CELF2: variants seen among roughly 807,000 people sequenced by gnomAD.
The protein encoded by CELF2 is CUGBP Elav-like family member 2.
Under a neutral mutation model 62.6 loss-of-function variants are expected in CELF2, and 8 were observed. That is an observed-to-expected ratio of 0.13 (90% confidence interval 0.07 to 0.23). The LOEUF (loss-of-function observed/expected upper bound fraction) is 0.23. Ranked by LOEUF, CELF2 falls within the 10% of genes least tolerant of loss-of-function variation. The probability of loss-of-function intolerance (pLI) is 1.00; values close to 1 mark genes in which losing one functional copy is unlikely to be tolerated. For synonymous variants in CELF2, 258 were observed against 250.0 expected, an observed-to-expected ratio of 1.03 and a Z score of -0.30; for missense variants, 333 against 671.0, an observed-to-expected ratio of 0.50 and a Z score of 5.56.
chr10:11,006,796 T>C lies in CELF2; in HGVS notation c.53+1356T>C, dbSNP rs181489413. ...AGGTCTCTGTGGAATATATTGATTT[T>C]TGATTTATGCTTATGTCCTTATAAA... On this transcript the variant is annotated intron_variant, in intron 1 of 12. Transcript: ENST00000416382. Among the ~76,000 whole-genome samples, 39 of 152,364 alleles carry C rather than the reference T, an allele frequency of 2.6e-4. No individual in the cohort carries two copies. In the East Asian group the frequency reaches 7.1e-3, roughly 28 times the overall value.
Position 10,887,359 on chromosome 10 carries a change from C to T in CELF2, c.54-32605C>T, listed in dbSNP as rs149059654. The stretch of plus-strand genomic sequence containing the variant: ...ATTGACTTCACTGGGCTCCAGCCTA[C>T]GAAGAAAAATGTGGCTGCTGATAAA... On this transcript the variant is annotated intron_variant, in intron 1 of 13. Coordinates refer to the CELF2 transcript ENST00000636488. Among the ~76,000 whole-genome samples the T allele has an allele frequency of 9.6e-4, 146 of 152,226 alleles. 2 individuals carry two copies. In the East Asian group the frequency reaches 0.026, roughly 27 times the overall value.
At chr10:11,175,167 T>C (rs2133813443) in intron 2 of CELF2, among the ~76,000 whole-genome samples, 1 of 152,216 alleles carries the variant, frequency 6.6e-6, no homozygotes, top group South Asian at 2.1e-4. Flanking sequence ...AGCTCCTAAC[T>C]AGGCCACTGT....
chr10:10,894,695 A>G (rs537158279), intron 1 of CELF2, among the ~76,000 whole-genome samples: 2 of 152,140 alleles, frequency 1.3e-5, no homozygotes, highest in South Asian at 4.1e-4. Flanking sequence ...AAAAAAATGA[A>G]TTGAGCATAG....
At chr10:10,863,493 TCTCTAAACC>T (rs1330836204) in intron 1 of CELF2, among the ~76,000 whole-genome samples, 1 of 152,192 alleles carries the variant, frequency 6.6e-6, no homozygotes, top group Non-Finnish European at 1.5e-5. Context: ...TTAGCAGATC[TCTCTAAACC>T]TTGGTTGTCT....
chr10:10,836,140 T>TA (rs1013250614), intron 1 of CELF2, among the ~76,000 whole-genome samples: 1 of 151,642 alleles, frequency 6.6e-6, no homozygotes, highest in South Asian at 2.1e-4. Context: ...AACTGTGGAA[T>TA]AAAAAATCAA....
intron 2 of CELF2, among the ~76,000 whole-genome samples, chr10:10,950,133 G>A (rs1226851282): frequency 1.3e-5 from 2 of 152,126 alleles, no homozygotes; most frequent in Non-Finnish European, 2.9e-5. Context: ...AGCTTCCCTG[G>A]GTTTCCCTAC....
chr10:10,835,894 C>T (rs986664918), intron 1 of CELF2, among the ~76,000 whole-genome samples: 11 of 152,066 alleles, frequency 7.2e-5, no homozygotes, highest in African/African-American at 2.4e-4. Flanking sequence ...AGGGCAGAAT[C>T]GAGGCTGACT....
intron 2 of CELF2, among the ~76,000 whole-genome samples, chr10:10,994,934 T>C (rs1455431897): frequency 1.3e-5 from 2 of 152,160 alleles, no homozygotes. Flanking sequence ...TTTCCCTCCA[T>C]GTCCTACCCC....
At chr10:11,174,513 G>A (rs1257161404) in intron 2 of CELF2, among the ~76,000 whole-genome samples, 1 of 152,132 alleles carries the variant, frequency 6.6e-6, no homozygotes, top group Admixed American at 6.5e-5. Flanking sequence ...GATACACTCT[G>A]GACAGTGATC....
At chr10:11,303,228 A>G (rs184807573) in intron 9 of CELF2, among the ~76,000 whole-genome samples, 11 of 152,284 alleles carry the variant, frequency 7.2e-5, no homozygotes, top group Non-Finnish European at 8.8e-5. Context: ...TTCTTGCCTT[A>G]GTCCCTTGCC....
chr10:10,785,660 G>A, the CELF2 span, among the ~76,000 whole-genome samples: 1 of 152,128 alleles, frequency 6.6e-6, no homozygotes, highest in Admixed American at 6.6e-5. Context: ...CTTATATGTG[G>A]AATCCACAAA....
In CELF2 at chr10:11,207,413, C is replaced by G. The variant is rs1274951944; in HGVS notation, c.272-10012C>G. ...GTGGCCAGTTGACAGAAAGTTGGTC[C>G]TAGCGTGTCAAATGGAGAGTTGGAG... On this transcript the variant is annotated intron_variant, in intron 2 of 12. Coordinates refer to ENST00000633077, the MANE Select transcript of CELF2 (RefSeq NM_001326342.2). The surrounding 1 kb of genome is among the most constrained non-coding windows in gnomAD (Gnocchi z 4.1). Among the ~76,000 whole-genome samples the G allele has an allele frequency of 2.0e-5, 3 of 152,138 alleles. No individual in the cohort carries two copies. Among genetic ancestry groups the G allele is most frequent in the Non-Finnish European group, 2.9e-5 (2 of 68,016 alleles).
chr10:10,634,800 TACA>T, the CELF2 span, among the ~76,000 whole-genome samples: 1 of 152,100 alleles, frequency 6.6e-6, no homozygotes, highest in Non-Finnish European at 1.5e-5. Flanking sequence ...TAGCTGGGAC[TACA>T]GGCATGTGCC....
chr10:10,633,675 G>C, the CELF2 span, among the ~76,000 whole-genome samples: 1 of 149,252 alleles, frequency 6.7e-6, no homozygotes, highest in African/African-American at 2.5e-5. Context: ...ACCTTAGAAA[G>C]ACCTTTTGTA....
chr10:11,052,503 G>A (rs2064149108), intron 1 of CELF2, among the ~76,000 whole-genome samples: 1 of 152,088 alleles, frequency 6.6e-6, no homozygotes, highest in South Asian at 2.1e-4. Flanking sequence ...ACGGTCCTTG[G>A]GTGATGTCCT....
At chr10:11,004,015 G>A (rs1433041174), upstream of CELF2, among the ~76,000 whole-genome samples, 2 of 152,110 alleles carry the variant, frequency 1.3e-5, no homozygotes, top group Non-Finnish European at 2.9e-5. This position sits in a 1 kb window ranked among gnomAD's most constrained non-coding sequence, Gnocchi z 5.0. Context: ...TCTGTGCAGT[G>A]GAGATTTAAA....
the CELF2 span, among the ~76,000 whole-genome samples, chr10:10,492,826 T>TG: frequency 6.6e-6 from 1 of 152,178 alleles, no homozygotes; most frequent in African/African-American, 2.4e-5. Context: ...GACTGAATCA[T>TG]GGGGGCAGTT....
chr10:11,114,966 AT>A (rs147811898), intron 1 of CELF2, among the ~76,000 whole-genome samples: 1,973 of 152,250 alleles, frequency 0.013, 47 homozygotes, highest in African/African-American at 0.045. Context: ...GCTTCCCAAC[AT>A]GTAGTATATG....
the CELF2 span, among the ~76,000 whole-genome samples, chr10:10,511,886 T>A: frequency 3.3e-5 from 5 of 152,278 alleles, no homozygotes; most frequent in Middle Eastern, 3.4e-3. Flanking sequence ...GCACTCATAG[T>A]CCCCCTTTTC....
Sources: allele counts gnomAD v4.1 joint callset (sites outside exome capture counted in the v4.1 genomes callset), GRCh38; gene constraint gnomAD v4.1.1; non-coding constraint Gnocchi (gnomAD v3.1); transcripts MANE v1.5; gene names NCBI Gene and HGNC (gene_info 2026-07-23, HGNC 2026-07-21).